Variants in ARFGAP2 observed in about 807,000 individuals in gnomAD.
ARFGAP2 encodes the protein ARF GTPase activating protein 2, also known as ADP-ribosylation factor GTPase-activating protein 2.
In ARFGAP2, 45 loss-of-function variants were observed where a neutral mutation model predicts 71.9. That is an observed-to-expected ratio of 0.63 (90% CI 0.49 to 0.80). The LOEUF (loss-of-function observed/expected upper bound fraction) is 0.80, where lower values mean the gene tolerates loss of function less well. ARFGAP2 is among the 30% of genes least tolerant of loss of function. ARFGAP2 has a pLI of 0.00. For synonymous variants in ARFGAP2, 248 were observed against 249.2 expected (o/e 1.00, Z 0.05); for missense variants, 633 against 673.9 (o/e 0.94, Z 0.67).
At chr11:47,167,880 A>C in intron 12 of ARFGAP2, 29 bp downstream of exon 12, 1 of 1,528,782 alleles carries the variant, frequency 6.5e-7, no homozygotes, top group Non-Finnish European at 8.7e-7. Context: ...AAAAAAAAGA[A>C]AGAAAAAAGA....
At chr11:47,170,491 C>A (rs1952557291) in intron 10 of ARFGAP2, among the ~76,000 whole-genome samples, 1 of 151,812 alleles carries the variant, frequency 6.6e-6, no homozygotes, top group East Asian at 1.9e-4. Flanking sequence ...ACTAAAAATA[C>A]AAAAAATTAG....
At chr11:47,176,481 C>T (rs1565134128) in intron 2 of ARFGAP2, 35 bp downstream of exon 2, 3 of 1,596,850 alleles carry the variant, frequency 1.9e-6, no homozygotes, top group Middle Eastern at 2.1e-4. Context: ...CCTGGCCGGC[C>T]GGGTGGAAAC....
chr11:47,176,127 G>C (rs1225185237), intron 2 of ARFGAP2: 4 of 611,052 alleles, frequency 6.5e-6, no homozygotes, highest in African/African-American at 1.8e-5. Context: ...TATGTCCCCA[G>C]ATCCGAAAGG....
chr11:47,171,683 T>C lies in ARFGAP2; in HGVS notation c.790A>G (p.Lys264Glu), dbSNP rs758837804. Residue 264 changes from lysine (K) to glutamate (E), a missense_variant, in exon 9 of 16, where the codon AAG (lysine) becomes GAG (glutamate). Coordinates refer to ENST00000524782, the MANE Select transcript of ARFGAP2 (RefSeq NM_032389.6). Reference sequence around the variant, plus strand: ...ACTTACATGGACTCCTCCGCCTGCTTCTTGGCATCGGCTGCCTGCTGCTCA... The same window carrying C: ...ACTTACATGGACTCCTCCGCCTGCTCCTTGGCATCGGCTGCCTGCTGCTCA... ...LREQQAADAKKQAEESMVASM... is the reference protein window; with the variant it reads ...LREQQAADAKEQAEESMVASM... 4.3e-6 allele frequency: 7 copies of C among 1,613,698 alleles called. No homozygotes were observed. In the Admixed American group the frequency reaches 1.2e-4, roughly 27 times the overall value.
rs1952272467 is a variant in ARFGAP2, at chr11:47,164,434, T to C, written c.*1048A>G. On this transcript the variant is annotated 3_prime_UTR_variant, in exon 16 of 16. Transcript: ENST00000524782. ...CAAGGGGAAGAGTGGTCTGTGTTGC[T>C]TGGGAGCCCAACCTACAACCCAAAG... is the stretch of plus-strand genomic sequence containing the variant. 1 of 643,334 alleles carries C rather than the reference T, an allele frequency of 1.6e-6. No individual in the cohort carries two copies. The highest frequency in any genetic ancestry group is 2.4e-6 in the Non-Finnish European group (1 of 415,786). The allele number at this position is 643,334 out of a possible 1,614,324, so 39.9% of individuals were successfully genotyped here.
rs762323867 is a variant in ARFGAP2, at chr11:47,175,309, G to A, written c.269C>T (p.Ala90Val). 4 of 1,614,030 alleles carry A rather than the reference G, an allele frequency of 2.5e-6. No individual in the cohort carries two copies. The highest frequency in any genetic ancestry group is 2.5e-6 in the Non-Finnish European group (3 of 1,180,040). ...MQVGGNANAT[A>V]FFRQHGCTAN... is the part of the protein sequence containing the mutation. Reference sequence around the variant, plus strand: ...TGTGCATCCATGTTGGCGAAAAAAAGCCGTCTGGAGAGCAAAGAAGAGAGC... The same window carrying A: ...TGTGCATCCATGTTGGCGAAAAAAAACCGTCTGGAGAGCAAAGAAGAGAGC... The change falls in exon 4 of 16, where the codon GCT becomes GTT. Residue 90 changes from alanine (A) to valine (V), a missense_variant. Transcript: ENST00000524782.
At chr11:47,174,945 C>T in intron 5 of ARFGAP2, 70 bp downstream of exon 5, 3 of 1,507,618 alleles carry the variant, frequency 2.0e-6, no homozygotes, top group Non-Finnish European at 2.8e-6. Flanking sequence ...ACCATGATCA[C>T]AGAAGGCCTG....
intron 3 of ARFGAP2, chr11:47,175,518 AAGTCC>A: frequency 1.3e-6 from 1 of 774,086 alleles, no homozygotes; most frequent in South Asian, 1.6e-5. Context: ...GATATGACTG[AAGTCC>A]AGGCCCCACT....
chr11:47,171,921 C>T, intron 8 of ARFGAP2, 121 bp from the exon 9 acceptor site: 5 of 1,409,582 alleles, frequency 3.5e-6, no homozygotes, highest in Non-Finnish European at 4.8e-6. Context: ...GGGTAAAAAA[C>T]AGGAGCCCAA....
chr11:47,176,114 A>T, intron 2 of ARFGAP2, 191 bp from the exon 3 acceptor site: 1 of 625,468 alleles, frequency 1.6e-6, no homozygotes, highest in Middle Eastern at 4.3e-4. Flanking sequence ...AAAGAGTACT[A>T]ATTATGTCCC....
chr11:47,176,333 ACCGCCCATGTGCCAAAGGGCCCACACAG>A, intron 2 of ARFGAP2, 155 bp downstream of exon 2: 1 of 631,678 alleles, frequency 1.6e-6, no homozygotes, highest in Non-Finnish European at 2.8e-6. Context: ...GCGGAGACGG[ACCGCCCATGTGCCAAAGGGCCCACACAG>A]GTGGTTCCCT....
chr11:47,174,039 T>G, intron 5 of ARFGAP2, 199 bp from the exon 6 acceptor site: 1 of 977,350 alleles, frequency 1.0e-6, no homozygotes, highest in Non-Finnish European at 1.5e-6. Context: ...CCCCAACCCC[T>G]TCACTATTTA....
chr11:47,169,019 TAA>T (rs1039141611), intron 10 of ARFGAP2, among the ~76,000 whole-genome samples: 1 of 137,812 alleles, frequency 7.3e-6, no homozygotes. Context: ...TACTCTTTAT[TAA>T]AAAAAAAAAA....
intron 2 of ARFGAP2, chr11:47,176,255 C>A: frequency 1.7e-6 from 1 of 590,248 alleles, no homozygotes; most frequent in Non-Finnish European, 3.0e-6. Context: ...CAATGCCTCC[C>A]TTTCCCCTCA....
chr11:47,171,179 C>T (rs1189748927), intron 10 of ARFGAP2, among the ~76,000 whole-genome samples: 1 of 152,196 alleles, frequency 6.6e-6, no homozygotes, highest in African/African-American at 2.4e-5. Flanking sequence ...CCACCCTAGT[C>T]TCTTGAAGAT....
intron 10 of ARFGAP2, among the ~76,000 whole-genome samples, chr11:47,170,776 T>G (rs892268877): frequency 6.6e-6 from 1 of 151,786 alleles, no homozygotes; most frequent in African/African-American, 2.4e-5. Flanking sequence ...CAAAACCCTG[T>G]CTCTACAAAA....
At chr11:47,172,197 G>A in intron 8 of ARFGAP2, 84 bp downstream of exon 8, 2 of 1,339,500 alleles carry the variant, frequency 1.5e-6, no homozygotes, top group Non-Finnish European at 2.1e-6. Flanking sequence ...TCATATAGCT[G>A]GTAAGTGGTA....
intron 13 of ARFGAP2, 77 bp downstream of exon 13, chr11:47,166,683 A>C: frequency 1.3e-6 from 2 of 1,598,306 alleles, no homozygotes; most frequent in Middle Eastern, 1.7e-4. Flanking sequence ...CTGGTGCTAA[A>C]GCCCAAAGCA....
Position 47,166,578 on chromosome 11 carries a change from G to T in ARFGAP2, c.1354C>A (p.Gln452Lys). Reference sequence around the variant, plus strand: ...ATGGCACTGCTGCCTGAGAGCTGCTGCAGCCGAGACCTGGCCTCATACTGT... The same window carrying T: ...ATGGCACTGCTGCCTGAGAGCTGCTTCAGCCGAGACCTGGCCTCATACTGT... The part of the protein sequence containing the change: ...DAEYEARSRL[Q>K]QLSGSSAISS... The change falls in exon 14 of 16, where the codon CAG becomes AAG. Residue 452 changes from glutamine to lysine, a missense_variant. Gln to Lys is a moderately conservative substitution (Grantham distance 53). Coordinates refer to ENST00000524782, the MANE Select transcript of ARFGAP2 (RefSeq NM_032389.6). 6.2e-7 allele frequency: 1 copy of T among 1,612,242 alleles called. No individual in the cohort carries two copies.
Sources: allele counts gnomAD v4.1 joint callset (sites outside exome capture counted in the v4.1 genomes callset), GRCh38; gene constraint gnomAD v4.1.1; transcripts MANE v1.5; gene names NCBI Gene and HGNC (gene_info 2026-07-23, HGNC 2026-07-21).